The following ANKRD31 variants were observed in gnomAD, a reference collection of about 807,000 sequenced individuals.
ANKRD31 encodes the protein ankyrin repeat domain-containing protein 31.
In ANKRD31, 147 loss-of-function variants were observed where a neutral mutation model predicts 186.0. The ratio of observed to expected loss-of-function variants is 0.79; its 90% CI spans 0.69 to 0.91. The LOEUF (loss-of-function observed/expected upper bound fraction) is 0.91, where lower values mean the gene tolerates loss of function less well. ANKRD31 is among the 40% of genes least tolerant of loss of function. ANKRD31 has a pLI of 0.00. For missense variants in ANKRD31, 1,986 were observed against 2,148.8 expected (o/e 0.92, Z 1.50); for synonymous variants, 673 against 736.4 (o/e 0.91, Z 1.39).
chr5:75,136,530 G>C (rs147963934), intron 17 of ANKRD31, among the ~76,000 whole-genome samples: 2 of 152,200 alleles, frequency 1.3e-5, no homozygotes, highest in South Asian at 4.1e-4. Flanking sequence ...GCTGGAGAGG[G>C]TGTGGAGAAA....
At chr5:75,109,740 T>C (rs769251213) in intron 20 of ANKRD31, among the ~76,000 whole-genome samples, 6 of 151,680 alleles carry the variant, frequency 4.0e-5, no homozygotes, top group Non-Finnish European at 7.4e-5. Context: ...GGTGCAAAGG[T>C]CCTGAGGACT....
chr5:75,232,276 T>C (rs948172240), intron 1 of ANKRD31, among the ~76,000 whole-genome samples: 4 of 152,208 alleles, frequency 2.6e-5, no homozygotes, highest in Non-Finnish European at 5.9e-5. Context: ...TGTTTGTTTT[T>C]TTCTTTTCAG....
At position 75,137,934 on chromosome 5, in the gene ANKRD31, T is replaced by C; in HGVS notation, c.3798A>G (p.Lys1266=). The change falls in exon 17 of 26, where the codon AAA becomes AAG. Residue 1266 remains lysine (K), a synonymous_variant. Transcript: ENST00000506364. ...GSIDIIVELL[K]AGAKVNCENI... ...TTTCACAATTAACCTTAGCACCAGC[T>C]TTTAATAACTCTACAATTATATCAA... 6.5e-7 allele frequency: 1 copy of C among 1,534,370 alleles called. No individual in the cohort carries two copies. Among genetic ancestry groups the C allele is most frequent in the Non-Finnish European group, 8.7e-7 (1 of 1,145,516 alleles).
intron 14 of ANKRD31, among the ~76,000 whole-genome samples, chr5:75,145,647 G>C (rs771986558): frequency 6.6e-6 from 1 of 151,832 alleles, no homozygotes; most frequent in Non-Finnish European, 1.5e-5. Context: ...TGGGTTGATG[G>C]GTGCAGCAAA....
At chr5:75,141,908 T>C (rs1751079152) in intron 15 of ANKRD31, among the ~76,000 whole-genome samples, 1 of 152,278 alleles carries the variant, frequency 6.6e-6, no homozygotes. Flanking sequence ...ATATACATTT[T>C]GGAGCAAAAA....
chr5:75,112,726 A>G (rs915741147), intron 19 of ANKRD31, 126 bp from the exon 20 acceptor site: 1 of 540,878 alleles, frequency 1.8e-6, no homozygotes, highest in African/African-American at 1.9e-5. Context: ...ATTCCTCTTT[A>G]TGCTCAAAAT....
chr5:75,212,458 A>AAAC (rs1033103821), intron 3 of ANKRD31, among the ~76,000 whole-genome samples: 64 of 152,046 alleles, frequency 4.2e-4, no homozygotes, highest in Middle Eastern at 6.8e-3. Context: ...ACAAAAACAA[A>AAAC]AACAACAACA....
chr5:75,101,159 G>A (rs896069564), intron 22 of ANKRD31, among the ~76,000 whole-genome samples: 2 of 152,136 alleles, frequency 1.3e-5, no homozygotes, highest in African/African-American at 2.4e-5. Flanking sequence ...GTCTGTGAAG[G>A]ATTTTATTTC....
chr5:75,172,284 G>A (rs1056216831), intron 10 of ANKRD31, among the ~76,000 whole-genome samples: 4 of 150,998 alleles, frequency 2.6e-5, no homozygotes, highest in African/African-American at 7.3e-5. Context: ...CACCACAGTA[G>A]TGAAATAAGA....
chr5:75,119,059 C>A (rs916569751), intron 17 of ANKRD31, among the ~76,000 whole-genome samples: 1 of 152,066 alleles, frequency 6.6e-6, no homozygotes, highest in Non-Finnish European at 1.5e-5. Flanking sequence ...TTAATATTCT[C>A]CATACAGAAA....
rs184101749 is a variant in ANKRD31, at chr5:75,116,400, A to G, written c.4155+166T>C. 2.4e-3 allele frequency among the ~76,000 whole-genome samples: 366 copies of G among 152,050 alleles called. 8 individuals carry two copies. In the East Asian group the frequency reaches 0.061, roughly 25 times the overall value. On this transcript the variant is annotated intron_variant, in intron 19 of 25. Transcript: ENST00000506364. Reference sequence around the variant, plus strand: ...ATTGTGCACATGTACCCTAAAACTTAAAGTATAATAATAATAAAAAATAAA... The same window carrying G: ...ATTGTGCACATGTACCCTAAAACTTGAAGTATAATAATAATAAAAAATAAA...
intron 1 of ANKRD31, 115 bp downstream of exon 1, chr5:75,236,468 T>C (rs1254517975): frequency 4.8e-6 from 4 of 835,632 alleles, no homozygotes; most frequent in Non-Finnish European, 7.2e-6. Flanking sequence ...GCTCTGATCC[T>C]GCCCACAAGC....
intron 24 of ANKRD31, 83 bp from the exon 25 acceptor site, chr5:75,080,722 C>A (rs537557467): frequency 1.4e-5 from 10 of 725,176 alleles, no homozygotes; most frequent in South Asian, 2.7e-5. Context: ...GTCACCCTAC[C>A]GATGGGAAAT....
intron 22 of ANKRD31, among the ~76,000 whole-genome samples, chr5:75,094,872 A>T (rs1580311752): frequency 6.6e-6 from 1 of 152,132 alleles, no homozygotes; most frequent in South Asian, 2.1e-4. Flanking sequence ...AACCACAAGA[A>T]AGCTGGAATG....
Position 75,196,150 on chromosome 5 carries a change from A to C in ANKRD31, c.498T>G (p.Thr166=), listed in dbSNP as rs1367844579. 1 of 1,509,284 alleles carries C rather than the reference A, an allele frequency of 6.6e-7. No homozygotes were observed. Among genetic ancestry groups the C allele is most frequent in the Non-Finnish European group, 8.8e-7 (1 of 1,137,512 alleles). 93.5% of individuals were successfully genotyped at this position (1,509,284 alleles called of 1,614,324 possible). A position where few individuals can be genotyped will look rare whatever the true frequency, so the allele number is the denominator to read the frequency against. ...CAACTGTATCAGATACTGTAATAGC[A>C]GTGCCTGAGAGAAGGCTAACTTCAG... is the stretch of plus-strand genomic sequence containing the variant. ...DSPEVSLLSG[T]AITVSDTVAV... is the part of the protein sequence containing the mutation. The change falls in exon 7 of 26, where the codon ACT becomes ACG. Residue 166 remains threonine (T), a synonymous_variant. Transcript: ENST00000506364.
At chr5:75,190,945 T>G (rs961607415) in intron 9 of ANKRD31, among the ~76,000 whole-genome samples, 2 of 152,062 alleles carry the variant, frequency 1.3e-5, no homozygotes, top group Non-Finnish European at 2.9e-5. Context: ...TATTTGATTC[T>G]TCTTTAGTGT....
intron 10 of ANKRD31, among the ~76,000 whole-genome samples, chr5:75,178,009 C>G (rs998144206): frequency 6.6e-6 from 1 of 152,008 alleles, no homozygotes; most frequent in Admixed American, 6.6e-5. Context: ...CAGAGACACA[C>G]ATAGGCTCAA....
intron 10 of ANKRD31, among the ~76,000 whole-genome samples, chr5:75,169,619 A>G (rs1382824312): frequency 2.6e-5 from 4 of 152,220 alleles, no homozygotes; most frequent in Non-Finnish European, 4.4e-5. Context: ...TGCTCCAAGA[A>G]AACCAGTCAT....
At chr5:75,233,858 C>T (rs1023220470) in intron 1 of ANKRD31, among the ~76,000 whole-genome samples, 5 of 151,788 alleles carry the variant, frequency 3.3e-5, no homozygotes, top group Non-Finnish European at 5.9e-5. Flanking sequence ...TGGAAGCTGC[C>T]GTGAGCTGAG....
Sources: allele counts gnomAD v4.1 joint callset (sites outside exome capture counted in the v4.1 genomes callset), GRCh38; gene constraint gnomAD v4.1.1; transcripts MANE v1.5; gene names NCBI Gene and HGNC (gene_info 2026-07-23, HGNC 2026-07-21).